The following ACOXL variants were observed in gnomAD, a reference collection of about 807,000 sequenced individuals.
The protein encoded by ACOXL is acyl-CoA oxidase like.
A neutral mutation model predicts 71.9 loss-of-function variants in ACOXL; 70 were observed. That is an observed-to-expected ratio of 0.97 (90% CI 0.80 to 1.19). The LOEUF is 1.19. Among genes scored for constraint, ACOXL ranks in the 50% most tolerant of loss-of-function variants. ACOXL has a pLI of 0.00. For missense variants in ACOXL, 703 were observed against 736.3 expected (o/e 0.95, Z 0.52); for synonymous variants, 253 against 281.6 (o/e 0.90, Z 1.02).
intron 9 of ACOXL, among the ~76,000 whole-genome samples, chr2:110,807,393 T>A (rs549755476): frequency 1.3e-5 from 2 of 152,328 alleles, no homozygotes; most frequent in Admixed American, 1.3e-4. Context: ...TTTTTGTTGC[T>A]GCTGCTGCCG....
chr2:111,086,537 C>G (rs1166709785), intron 16 of ACOXL, among the ~76,000 whole-genome samples: 2 of 152,120 alleles, frequency 1.3e-5, no homozygotes, highest in Non-Finnish European at 2.9e-5. Flanking sequence ...TGATTTGGCT[C>G]TCAGCTTGGA....
intron 10 of ACOXL, among the ~76,000 whole-genome samples, chr2:110,907,459 C>T (rs557550971): frequency 2.6e-5 from 4 of 152,148 alleles, no homozygotes; most frequent in South Asian, 4.2e-4. Context: ...TTATTTTCAC[C>T]GTGATCCAGC....
At chr2:110,929,086 T>C (rs970306373) in intron 11 of ACOXL, among the ~76,000 whole-genome samples, 1 of 152,148 alleles carries the variant, frequency 6.6e-6, no homozygotes, top group Non-Finnish European at 1.5e-5. Flanking sequence ...ACATATCCAG[T>C]GACTTTGAAA....
chr2:110,921,400 C>CT (rs59941176), intron 11 of ACOXL, among the ~76,000 whole-genome samples: 12 of 100,896 alleles, frequency 1.2e-4, no homozygotes, highest in South Asian at 8.8e-4. Flanking sequence ...CCCCCCCCCC[C>CT]TTTTTTTTTT....
chr2:111,000,689 C>T (rs2063583610), intron 14 of ACOXL, among the ~76,000 whole-genome samples: 1 of 152,210 alleles, frequency 6.6e-6, no homozygotes, highest in South Asian at 2.1e-4. Context: ...CTTGCAGCCG[C>T]ATCTCTCCAG....
intron 15 of ACOXL, among the ~76,000 whole-genome samples, chr2:111,031,921 A>G (rs2065291483): frequency 6.6e-6 from 1 of 152,170 alleles, no homozygotes; most frequent in African/African-American, 2.4e-5. Flanking sequence ...ACCATATGAC[A>G]CCCACAAAGC....
chr2:110,756,902 CT>C (rs58651376), intron 1 of ACOXL, among the ~76,000 whole-genome samples: 1 of 152,064 alleles, frequency 6.6e-6, no homozygotes, highest in Non-Finnish European at 1.5e-5. Context: ...TTTTCTTCAG[CT>C]TTTTTTAAAT....
intron 10 of ACOXL, among the ~76,000 whole-genome samples, chr2:110,846,578 C>A (rs947089190): frequency 1.3e-5 from 2 of 150,596 alleles, no homozygotes; most frequent in African/African-American, 4.9e-5. Flanking sequence ...CTCCTTTATT[C>A]AAATGAACAG....
intron 2 of ACOXL, among the ~76,000 whole-genome samples, chr2:110,771,187 G>T (rs1681873626): frequency 6.6e-6 from 1 of 152,178 alleles, no homozygotes; most frequent in Non-Finnish European, 1.5e-5. Context: ...CCATCAGTGC[G>T]GCAGGCTCAT....
At chr2:110,736,761 A>G (rs1028187421) in intron 1 of ACOXL, among the ~76,000 whole-genome samples, 1 of 152,048 alleles carries the variant, frequency 6.6e-6, no homozygotes, top group Non-Finnish European at 1.5e-5. Flanking sequence ...CTGGGACTAC[A>G]GGCACCCACC....
At chr2:111,027,386 A>T (rs1179951543) in intron 14 of ACOXL, among the ~76,000 whole-genome samples, 1 of 150,866 alleles carries the variant, frequency 6.6e-6, no homozygotes, top group Non-Finnish European at 1.5e-5. Flanking sequence ...CAGTGCCATG[A>T]TCTCGGCTCA....
chr2:110,811,730 T>TACACACACACACACACACAC lies in ACOXL; in HGVS notation c.753+6372_753+6391dup, dbSNP rs780039810. ...CGTTATCCTTTTTGTTTTTTTTGCA[T>TACACACACACACACACACAC]ACACACACACACACACACACACACA... On this transcript the variant is annotated intron_variant, in intron 9 of 17. Transcript: ENST00000439055. Among the ~76,000 whole-genome samples the TACACACACACACACACACAC allele has an allele frequency of 3.3e-3, 340 of 101,642 alleles. 21 individuals are homozygous for TACACACACACACACACACAC. Among genetic ancestry groups the TACACACACACACACACACAC allele is most frequent in the East Asian group, 5.0e-3 (16 of 3,196 alleles). 66.7% of individuals were successfully genotyped at this position (101,642 alleles called of 152,430 possible).
At chr2:110,873,733 G>C (rs1249108149) in intron 10 of ACOXL, among the ~76,000 whole-genome samples, 1 of 152,182 alleles carries the variant, frequency 6.6e-6, no homozygotes, top group African/African-American at 2.4e-5. Context: ...CGTTGGGAGG[G>C]GCCAGGAGGG....
chr2:110,756,754 A>G (rs1679752370), intron 1 of ACOXL, among the ~76,000 whole-genome samples: 1 of 152,092 alleles, frequency 6.6e-6, no homozygotes, highest in African/African-American at 2.4e-5. Context: ...TTAAATTTCC[A>G]TATATACTTA....
intron 16 of ACOXL, among the ~76,000 whole-genome samples, chr2:111,080,667 T>G (rs1262526166): frequency 6.6e-6 from 1 of 152,200 alleles, no homozygotes; most frequent in Non-Finnish European, 1.5e-5. Flanking sequence ...CTAACTCATT[T>G]TATGAGGCCA....
chr2:110,968,362 A>G, intron 12 of ACOXL: 1 of 1,135,226 alleles, frequency 8.8e-7, no homozygotes, highest in Non-Finnish European at 1.3e-6. Context: ...CTCTCATAGT[A>G]CCAGATGATT....
chr2:110,937,235 T>C (rs12479102), intron 12 of ACOXL, among the ~76,000 whole-genome samples: 16,044 of 152,018 alleles, frequency 0.11, 1,120 homozygotes, highest in East Asian at 0.24. Context: ...CCAGCCCCCA[T>C]CCAGAAGCTG....
chr2:110,933,010 C>T (rs2060532478), intron 11 of ACOXL, among the ~76,000 whole-genome samples: 1 of 152,142 alleles, frequency 6.6e-6, no homozygotes, highest in Admixed American at 6.5e-5. Flanking sequence ...TCCTCTGGTT[C>T]GTGTTTGCAG....
chr2:110,742,662 A>G (rs957411565), intron 1 of ACOXL, among the ~76,000 whole-genome samples: 4 of 152,200 alleles, frequency 2.6e-5, no homozygotes, highest in African/African-American at 2.4e-5. Context: ...TTTCTTTTCT[A>G]TCACACCAAG....
Sources: gnomAD v4.1 joint callset for allele counts (sites outside exome capture counted in the v4.1 genomes callset) on GRCh38, gnomAD v4.1.1 for gene constraint, MANE v1.5 for transcripts, NCBI Gene and HGNC (gene_info 2026-07-23, HGNC 2026-07-21) for gene names.